ANKK1: variants seen among roughly 807,000 people sequenced by gnomAD.
ANKK1 encodes ankyrin repeat and protein kinase domain-containing protein 1.
In ANKK1, 37 loss-of-function variants were observed where a neutral mutation model predicts 37.6. That is an observed-to-expected ratio of 0.98 (90% CI 0.76 to 1.29). The LOEUF (loss-of-function observed/expected upper bound fraction) is 1.29, where lower values mean the gene tolerates loss of function less well. Ranked by LOEUF, ANKK1 falls within the 50% of genes most tolerant of loss-of-function variation. The pLI is 0.00. For missense variants in ANKK1, 1,019 were observed against 990.6 expected, an observed-to-expected ratio of 1.03 and a Z score of -0.39; for synonymous variants, 415 against 418.7, an observed-to-expected ratio of 0.99 and a Z score of 0.11.
chr11:113,399,888 C>T lies in ANKK1; in HGVS notation c.1919C>T (p.Ala640Val), dbSNP rs139195339. ...CTAGCTGCACGCCACGGGGAGGAGG[C>T]GGTGGTGTCAGCACTGCTGCAGTGT... ...LHLAARHGEE[A>V]VVSALLQCGA... The change falls in exon 8 of 8, where the codon GCG becomes GTG. Residue 640 changes from alanine (A) to valine (V), a missense_variant. Coordinates refer to ENST00000303941, the MANE Select transcript of ANKK1 (RefSeq NM_178510.2). 6.8e-6 allele frequency: 11 copies of T among 1,613,254 alleles called. No homozygotes were observed. Among genetic ancestry groups the T allele is most frequent in the Middle Eastern group, 1.6e-4 (1 of 6,062 alleles).
At chr11:113,396,938 G>A (rs1373040308) in intron 5 of ANKK1, among the ~76,000 whole-genome samples, 1 of 152,168 alleles carries the variant, frequency 6.6e-6, no homozygotes, top group East Asian at 1.9e-4. Context: ...CCAGTCCTTT[G>A]GGGACTGTGA....
chr11:113,393,169 T>C (rs1950601022), intron 1 of ANKK1, among the ~76,000 whole-genome samples: 1 of 152,174 alleles, frequency 6.6e-6, no homozygotes, highest in Admixed American at 6.5e-5. Context: ...CTAGGGGAGA[T>C]AAACATAGAA....
chr11:113,395,165 C>T (rs925708143), intron 3 of ANKK1, 85 bp downstream of exon 3: 10 of 1,519,814 alleles, frequency 6.6e-6, no homozygotes, highest in Middle Eastern at 1.7e-4. Context: ...GCCCAAAGGG[C>T]AGGGCAGTGC....
intron 6 of ANKK1, 26 bp from the exon 7 acceptor site, chr11:113,397,954 C>G: frequency 6.4e-7 from 1 of 1,555,308 alleles, no homozygotes; most frequent in Non-Finnish European, 8.7e-7. Context: ...TGATCTCCAC[C>G]CTGCCTGCTG....
In ANKK1 at chr11:113,399,634, C is replaced by T. The variant is rs1181928035; in HGVS notation, c.1665C>T (p.Ala555=). 6.2e-7 allele frequency: 1 copy of T among 1,606,330 alleles called. No homozygotes were observed. The highest frequency in any genetic ancestry group is 8.5e-7 in the Non-Finnish European group (1 of 1,176,656). Reference sequence around the variant, plus strand: ...TGAAGAGTGGAGCGGTCCCTGATGCCCTTGACCAGAGCGGCTACGGCCCAC... The same window carrying T: ...TGAAGAGTGGAGCGGTCCCTGATGCTCTTGACCAGAGCGGCTACGGCCCAC... The part of the protein sequence containing the change: ...HLLKSGAVPD[A]LDQSGYGPLH... The change falls in exon 8 of 8, where the codon GCC becomes GCT. Residue 555 remains alanine (A), a synonymous_variant. Coordinates refer to ENST00000303941, the MANE Select transcript of ANKK1 (RefSeq NM_178510.2).
chr11:113,393,680 T>C lies in ANKK1; in HGVS notation c.385T>C (p.Leu129=), dbSNP rs746867767. ...LRFRIIHETS[L]AMNFLHSIKP... ...GTTCCGCATCATCCATGAGACCAGC[T>C]TGGCCATGAACTTCCTGCACAGCAT... is the stretch of plus-strand genomic sequence containing the variant. Residue 129 remains leucine (L), a synonymous_variant, in exon 2 of 8, where the codon TTG becomes CTG. Transcript: ENST00000303941. 16 of 1,613,984 alleles carry C rather than the reference T, an allele frequency of 9.9e-6. 1 individual carries two copies. The South Asian group carries it at 1.5e-4, about 16-fold the overall frequency.
chr11:113,399,895 G>A lies in ANKK1; in HGVS notation c.1926G>A (p.Val642=), dbSNP rs780396307. 6.2e-7 allele frequency: 1 copy of A among 1,613,380 alleles called. No individual in the cohort carries two copies. Among genetic ancestry groups the A allele is most frequent in the South Asian group, 1.1e-5 (1 of 91,078 alleles). ...LAARHGEEAV[V]SALLQCGADP... ...CACGCCACGGGGAGGAGGCGGTGGTGTCAGCACTGCTGCAGTGTGGGGCTG... is the reference window on the plus strand; with the variant it reads ...CACGCCACGGGGAGGAGGCGGTGGTATCAGCACTGCTGCAGTGTGGGGCTG... The change falls in exon 8 of 8, where the codon GTG becomes GTA. Residue 642 remains valine (V), a synonymous_variant. Coordinates refer to ENST00000303941, the MANE Select transcript of ANKK1 (RefSeq NM_178510.2).
chr11:113,387,795 C>T lies in ANKK1; in HGVS notation c.-90C>T. ...CGTCTCCCCATTCCCCTCTCCCGGA[C>T]CCGAGGAGCAGGAAGCGGCGGCTCC... On this transcript the variant is annotated 5_prime_UTR_variant, in exon 1 of 8. Coordinates refer to ENST00000303941, the MANE Select transcript of ANKK1 (RefSeq NM_178510.2). 3 of 1,386,462 alleles carry T rather than the reference C, an allele frequency of 2.2e-6. No homozygotes were observed. Among genetic ancestry groups the T allele is most frequent in the South Asian group, 1.5e-5 (1 of 67,390 alleles). The allele number at this position is 1,386,462 out of a possible 1,614,324, so 85.9% of individuals were successfully genotyped here. A position where few individuals can be genotyped will look rare whatever the true frequency, so the allele number is the denominator to read the frequency against.
intron 4 of ANKK1, among the ~76,000 whole-genome samples, chr11:113,395,837 G>A (rs1233637184): frequency 2.0e-5 from 3 of 152,346 alleles, no homozygotes; most frequent in African/African-American, 7.2e-5. Context: ...TGCAATGTGG[G>A]GTCATGTCTA....
intron 7 of ANKK1, 32 bp from the exon 8 acceptor site, chr11:113,398,932 C>A: frequency 6.5e-7 from 1 of 1,533,608 alleles, no homozygotes; most frequent in Non-Finnish European, 8.8e-7. Context: ...GGTCACAGGT[C>A]TTTTTTTTCA....
chr11:113,396,620 A>G (rs7122228), intron 5 of ANKK1, among the ~76,000 whole-genome samples: 94,786 of 151,932 alleles, frequency 0.62, 29,966 homozygotes, highest in Non-Finnish European at 0.69. Context: ...GATTACAGGT[A>G]TGAACCACTG....
chr11:113,388,696 C>G (rs1950565979), intron 1 of ANKK1, among the ~76,000 whole-genome samples: 1 of 152,228 alleles, frequency 6.6e-6, no homozygotes, highest in South Asian at 2.1e-4. Flanking sequence ...CTGTCATGCG[C>G]ACTACAGCGA....
rs1950630571 is a variant in ANKK1, at chr11:113,395,487, T to C, written c.682+79T>C. ...CTCCTGGAAGGGGCTGTGGGAGGAC[T>C]GAGGGTTGGGGGGGGTCAAGTTGCA... On this transcript the variant is annotated intron_variant, in intron 4 of 7. Coordinates refer to ENST00000303941, the MANE Select transcript of ANKK1 (RefSeq NM_178510.2). 7.4e-6 allele frequency: 11 copies of C among 1,494,036 alleles called. No individual in the cohort carries two copies. In the East Asian group the frequency reaches 2.1e-4, roughly 28 times the overall value. 92.5% of individuals were successfully genotyped at this position (1,494,036 alleles called of 1,614,324 possible).
Position 113,400,180 on chromosome 11 carries a change from G to A in ANKK1, c.2211G>A (p.Lys737=), listed in dbSNP as rs1382488603. 2 of 1,574,382 alleles carry A rather than the reference G, an allele frequency of 1.3e-6. No individual in the cohort carries two copies. The highest frequency in any genetic ancestry group is 1.7e-6 in the Non-Finnish European group (2 of 1,160,738). ...TPLQLALRSR[K]QGIMSFLEGK... is the part of the protein sequence containing the mutation. ...TGCAACTGGCCCTCCGCAGCCGAAA[G>A]CAGGGCATCATGTCCTTCCTAGAGG... The change falls in exon 8 of 8, where the codon AAG becomes AAA. Residue 737 remains lysine, a synonymous_variant. Coordinates refer to ENST00000303941, the MANE Select transcript of ANKK1 (RefSeq NM_178510.2).
In ANKK1 at chr11:113,388,077, C is replaced by T. The variant is rs771306482; in HGVS notation, c.185+8C>T. 4.8e-6 allele frequency: 7 copies of T among 1,473,480 alleles called. No homozygotes were observed. Among genetic ancestry groups the T allele is most frequent in the Middle Eastern group, 1.8e-4 (1 of 5,506 alleles). The allele number at this position is 1,473,480 out of a possible 1,614,324, so 91.3% of individuals were successfully genotyped here. On this transcript the variant is annotated splice_region_variant and intron_variant, in intron 1 of 7. Coordinates refer to ENST00000303941, the MANE Select transcript of ANKK1 (RefSeq NM_178510.2). ...TCCACCCGACGCCGCCAGGTACTGC[C>T]AGCCTCGCCCTCCCCTTTCTCGGAG... is the stretch of plus-strand genomic sequence containing the variant.
chr11:113,395,147 C>A, intron 3 of ANKK1, 67 bp downstream of exon 3: 2 of 1,534,374 alleles, frequency 1.3e-6, no homozygotes, highest in South Asian at 1.3e-5. Flanking sequence ...CCCTGCCTGG[C>A]CTCTATGGCC....
Position 113,397,278 on chromosome 11 carries a change from TC to T in ANKK1, c.896del (p.Pro299GlnfsTer30). 5.6e-6 allele frequency: 9 copies of T among 1,612,316 alleles called. No homozygotes were observed. Among genetic ancestry groups the T allele is most frequent in the Non-Finnish European group, 7.6e-6 (9 of 1,179,830 alleles). ...TCACTGCTGCAGAGTCGTGTGGCAGTCCCAGAGAGCAAGGCCCTGGCCAGGA... is the reference window on the plus strand; with the variant it reads ...TCACTGCTGCAGAGTCGTGTGGCAGTCCAGAGAGCAAGGCCCTGGCCAGGA... ...LLSLLQSRVA[V>X]PESKALARKV... On this transcript the variant is annotated frameshift_variant, in exon 6 of 8. Coordinates refer to ENST00000303941, the MANE Select transcript of ANKK1 (RefSeq NM_178510.2). LOFTEE classifies it high-confidence loss of function.
intron 1 of ANKK1, 98 bp downstream of exon 1, chr11:113,388,167 G>T (rs1003085913): frequency 2.6e-5 from 36 of 1,388,586 alleles, no homozygotes; most frequent in Non-Finnish European, 3.0e-5. Context: ...GGCTGAGTTT[G>T]GGGCTGAGGA....
intron 1 of ANKK1, 142 bp downstream of exon 1, chr11:113,388,211 T>C: frequency 8.7e-7 from 1 of 1,145,598 alleles, no homozygotes. Context: ...TTCCACCCAG[T>C]AGCCTGAGCC....
Sources: gnomAD v4.1 joint callset for allele counts (sites outside exome capture counted in the v4.1 genomes callset) on GRCh38, gnomAD v4.1.1 for gene constraint, MANE v1.5 for transcripts, NCBI Gene and HGNC (gene_info 2026-07-23, HGNC 2026-07-21) for gene names.